Variants in ANK2 observed in about 807,000 individuals in gnomAD.
ANK2 encodes ankyrin 2.
A neutral mutation model predicts 360.5 loss-of-function variants in ANK2; 83 were observed. That is an observed-to-expected ratio of 0.23 (90% CI 0.19 to 0.28). The LOEUF is 0.28. ANK2 is among the 10% of genes least tolerant of loss of function. The pLI is 1.00. For missense variants in ANK2, 4,201 were observed against 4,795.7 expected, an observed-to-expected ratio of 0.88 and a Z score of 3.66; for synonymous variants, 1,740 against 1,759.5, an observed-to-expected ratio of 0.99 and a Z score of 0.28.
intron 2 of ANK2, among the ~76,000 whole-genome samples, chr4:112,994,892 A>G (rs1242484551): frequency 3.3e-5 from 5 of 152,166 alleles, no homozygotes; most frequent in Non-Finnish European, 7.4e-5. Flanking sequence ...TGCTCAGGAT[A>G]ATGGCCTCTA....
At chr4:113,270,652 T>C (rs2058154802) in intron 14 of ANK2, among the ~76,000 whole-genome samples, 1 of 152,198 alleles carries the variant, frequency 6.6e-6, no homozygotes. Context: ...TTTTCTATTG[T>C]GAACAAACAA....
intron 39 of ANK2, among the ~76,000 whole-genome samples, chr4:113,361,416 AG>A (rs1426267544): frequency 6.6e-6 from 1 of 152,112 alleles, no homozygotes; most frequent in East Asian, 1.9e-4. Context: ...TAATTTATTA[AG>A]GAAAAGTGAA....
At chr4:113,048,295 T>A (rs1268777613), upstream of ANK2, among the ~76,000 whole-genome samples, 1 of 125,562 alleles carries the variant, frequency 8.0e-6, no homozygotes, top group Middle Eastern at 3.5e-3. Context: ...TTTTTTTTTT[T>A]TTTTTTTTTT....
intron 35 of ANK2, 98 bp downstream of exon 35, chr4:113,346,120 T>C (rs563685704): frequency 9.8e-6 from 14 of 1,425,194 alleles, no homozygotes; most frequent in Non-Finnish European, 1.3e-5. Flanking sequence ...AAAACAGCAA[T>C]TGCTTTTGCA....
At chr4:112,745,531 C>CTT in the ANK2 span, among the ~76,000 whole-genome samples, 660 of 123,054 alleles carry the variant, frequency 5.4e-3, 13 homozygotes, top group Middle Eastern at 9.3e-3. Flanking sequence ...AGTACTAGAT[C>CTT]TTTTTTTTTT....
chr4:112,913,616 T>G (rs1218650907), intron 2 of ANK2, among the ~76,000 whole-genome samples: 3 of 152,216 alleles, frequency 2.0e-5, no homozygotes, highest in East Asian at 3.9e-4. Context: ...ATTCTCTGGA[T>G]GGTTAAAAAT....
chr4:113,372,489 T>A (rs1011005445), intron 43 of ANK2: 1 of 1,254,672 alleles, frequency 8.0e-7, no homozygotes, highest in Non-Finnish European at 1.1e-6. Flanking sequence ...GTGAAGTCAT[T>A]CCTTAGCATG....
intron 1 of ANK2, among the ~76,000 whole-genome samples, chr4:113,085,813 CAG>C (rs2084451631): frequency 6.6e-6 from 1 of 152,042 alleles, no homozygotes; most frequent in Non-Finnish European, 1.5e-5. Flanking sequence ...AACTTTCCTT[CAG>C]AGTTATTAAG....
chr4:112,774,119 C>T, the ANK2 span, among the ~76,000 whole-genome samples: 1 of 152,094 alleles, frequency 6.6e-6, no homozygotes, highest in East Asian at 1.9e-4. Context: ...GCTTGAGCCA[C>T]CGCGCCCAGC....
chr4:112,801,027 T>C, the ANK2 span, among the ~76,000 whole-genome samples: 6 of 152,140 alleles, frequency 3.9e-5, no homozygotes, highest in African/African-American at 1.4e-4. Context: ...TTCATTGCAC[T>C]ATGGTAATGA....
In ANK2 at chr4:113,359,253, T is replaced by C. The variant is rs906838650; in HGVS notation, c.10635T>C (p.Thr3545=). 1 of 1,613,960 alleles carries C rather than the reference T, an allele frequency of 6.2e-7. No individual in the cohort carries two copies. Among genetic ancestry groups the C allele is most frequent in the Non-Finnish European group, 8.5e-7 (1 of 1,179,890 alleles). Residue 3545 remains threonine, a synonymous_variant, in exon 38 of 46, where the codon ACT becomes ACC. Transcript: ENST00000357077. ...CCATTTGGGATGAGTCTATTGAGAC[T>C]CTGATTGAACGCATCCCTGATGAAA... ...TRPIWDESIE[T]LIERIPDENG...
the ANK2 span, among the ~76,000 whole-genome samples, chr4:112,736,387 C>T: frequency 5.8e-4 from 87 of 151,186 alleles, no homozygotes; most frequent in African/African-American, 1.9e-3. Context: ...ATTGCTTGAA[C>T]CTGGGAGGTA....
At position 113,278,156 on chromosome 4, in the gene ANK2, C is replaced by T. The variant is rs29387; in HGVS notation, c.1782+221C>T. Among the ~76,000 whole-genome samples, 53,884 of 152,016 alleles carry T rather than the reference C, an allele frequency of 0.35. 10,874 individuals carry two copies. The highest frequency in any genetic ancestry group is 0.46 in the Non-Finnish European group (31,550 of 67,946). On this transcript the variant is annotated intron_variant, in intron 16 of 45. Transcript: ENST00000357077. The stretch of plus-strand genomic sequence containing the variant: ...CCTCAAAGTCTTGTCACAACAGCCC[C>T]AGAAAGTCTCTATATTAAGAAGAAT...
At chr4:112,784,047 G>T in the ANK2 span, among the ~76,000 whole-genome samples, 1 of 152,148 alleles carries the variant, frequency 6.6e-6, no homozygotes, top group Admixed American at 6.6e-5. Context: ...TACCTGCTTA[G>T]TATCCATTCA....
intron 1 of ANK2, among the ~76,000 whole-genome samples, chr4:113,138,618 T>C (rs2154383046): frequency 6.6e-6 from 1 of 152,338 alleles, no homozygotes; most frequent in Non-Finnish European, 1.5e-5. Flanking sequence ...AAATGTCATA[T>C]GTGTGTATTT....
intron 2 of ANK2, among the ~76,000 whole-genome samples, chr4:113,012,131 T>C (rs115222477): frequency 0.025 from 3,798 of 152,182 alleles, 147 homozygotes; most frequent in African/African-American, 0.084. Context: ...ATATAGAGAT[T>C]GGATTATTTA....
intron 22 of ANK2, among the ~76,000 whole-genome samples, chr4:113,297,704 A>G (rs1272906936): frequency 2.6e-5 from 4 of 152,116 alleles, no homozygotes; most frequent in Non-Finnish European, 5.9e-5. Context: ...TGCACAAACA[A>G]TATCAATACC....
chr4:113,178,191 C>T (rs566504354), intron 2 of ANK2, among the ~76,000 whole-genome samples: 1 of 151,940 alleles, frequency 6.6e-6, no homozygotes, highest in East Asian at 1.9e-4. Context: ...CCAGGAGTTC[C>T]AGGCTGCAGT....
intron 2 of ANK2, among the ~76,000 whole-genome samples, chr4:112,976,906 A>G (rs1430333953): frequency 6.6e-6 from 1 of 152,192 alleles, no homozygotes; most frequent in Non-Finnish European, 1.5e-5. Context: ...GCAGGTAGAA[A>G]GGGTGACCTC....
Sources: allele counts gnomAD v4.1 joint callset (sites outside exome capture counted in the v4.1 genomes callset), GRCh38; gene constraint gnomAD v4.1.1; transcripts MANE v1.5; gene names NCBI Gene and HGNC (gene_info 2026-07-23, HGNC 2026-07-21).